Variants in HIP1R observed in about 807,000 individuals in gnomAD.
HIP1R encodes huntingtin-interacting protein 1-related protein.
A neutral mutation model predicts 144.2 loss-of-function variants in HIP1R; 135 were observed. The observed-to-expected ratio is 0.94, with a 90% confidence interval of 0.81 to 1.08. HIP1R has a LOEUF of 1.08. HIP1R is among the 50% of genes least tolerant of loss of function. The probability of loss-of-function intolerance (pLI) is 0.00; values close to 1 mark genes in which losing one functional copy is unlikely to be tolerated. For synonymous variants in HIP1R, 698 were observed against 612.8 expected (o/e 1.14, Z -2.05); for missense variants, 1,462 against 1,432.8 (o/e 1.02, Z -0.33).
Position 122,856,729 on chromosome 12 carries a change from G to A in HIP1R, c.1620+3G>A, listed in dbSNP as rs1205205669. 1.9e-6 allele frequency: 3 copies of A among 1,567,658 alleles called. No individual in the cohort carries two copies. The highest frequency in any genetic ancestry group is 4.7e-5 in the East Asian group (2 of 42,930). On this transcript the variant is annotated splice_donor_region_variant and intron_variant, in intron 17 of 31. Coordinates refer to ENST00000253083, the MANE Select transcript of HIP1R (RefSeq NM_003959.3). ...AGGCCCTGAGCCACACAGAGCAGGTGCATCTGGCTTTGATGACTGGAGGTG... is the reference window on the plus strand; with the variant it reads ...AGGCCCTGAGCCACACAGAGCAGGTACATCTGGCTTTGATGACTGGAGGTG...
Position 122,849,857 on chromosome 12 carries a change from C to T in HIP1R, c.358-18C>T, listed in dbSNP as rs747406090. 7 of 1,600,940 alleles carry T rather than the reference C, an allele frequency of 4.4e-6. No individual in the cohort carries two copies. Among genetic ancestry groups the T allele is most frequent in the Non-Finnish European group, 5.1e-6 (6 of 1,168,938 alleles). On this transcript the variant is annotated intron_variant, in intron 4 of 31. Transcript: ENST00000253083. ...TGTTCACGAGCCGTGGCCCCTCACCCTGTCTGTCTTCACACAGGGACATTT... is the reference window on the plus strand; with the variant it reads ...TGTTCACGAGCCGTGGCCCCTCACCTTGTCTGTCTTCACACAGGGACATTT...
At chr12:122,837,776 G>T (rs937978413) in intron 1 of HIP1R, among the ~76,000 whole-genome samples, 1 of 152,200 alleles carries the variant, frequency 6.6e-6, no homozygotes, top group African/African-American at 2.4e-5. Flanking sequence ...GGGTTTGCTC[G>T]TCTTCACAGT....
intron 1 of HIP1R, 28 bp downstream of exon 1, chr12:122,835,671 G>GGGCGGC: frequency 9.1e-7 from 1 of 1,101,280 alleles, no homozygotes. Context: ...GGCGGGCGGC[G>GGGCGGC]GGCGGCGGCG....
intron 22 of HIP1R, 23 bp downstream of exon 22, chr12:122,859,220 T>A (rs749706030): frequency 9.0e-5 from 141 of 1,558,368 alleles, no homozygotes; most frequent in Non-Finnish European, 1.2e-4. Context: ...TGAGTGTGGG[T>A]TTGGGAGGCT....
In HIP1R at chr12:122,858,887, G is replaced by T; in HGVS notation, c.2100G>T (p.Ala700=). The T allele has an allele frequency of 6.2e-7, 1 of 1,613,278 alleles. No homozygotes were observed. Among genetic ancestry groups the T allele is most frequent in the South Asian group, 1.1e-5 (1 of 91,084 alleles). Residue 700 remains alanine, a synonymous_variant, in exon 21 of 32, where the codon GCG becomes GCT. Coordinates refer to ENST00000253083, the MANE Select transcript of HIP1R (RefSeq NM_003959.3). The part of the protein sequence containing the change: ...AALTRFSHLA[A]DTIINGGATS... ...TGACCCGCTTCTCCCACCTGGCTGC[G>T]GATACCATCATCAATGGCGGTGCCA...
chr12:122,857,995 G>A, intron 18 of HIP1R, 107 bp from the exon 19 acceptor site: 1 of 963,056 alleles, frequency 1.0e-6, no homozygotes, highest in East Asian at 2.6e-5. Flanking sequence ...GACCAGTGAG[G>A]GTCTCAGCTG....
chr12:122,844,710 C>G (rs1028160246), intron 1 of HIP1R, among the ~76,000 whole-genome samples: 17 of 152,216 alleles, frequency 1.1e-4, no homozygotes, highest in Admixed American at 1.1e-3. Context: ...CACATGTGTC[C>G]TTATGATCTT....
At chr12:122,855,151 GAGGCCCTTTGAGGACCCCA>G (rs2033527461) in intron 10 of HIP1R, 23 bp downstream of exon 10, 2 of 1,610,160 alleles carry the variant, frequency 1.2e-6, no homozygotes, top group Non-Finnish European at 1.7e-6. Context: ...AGAGGGCCCC[GAGGCCCTTTGAGGACCCCA>G]GGCACCTGGC....
rs569072498 is a variant in HIP1R at position 122,860,929 on chromosome 12, A to T, written c.2780A>T (p.Lys927Met). ...LVAASKVKAN[K>M]HSPHLSRLQE... ...CTCGCCCCTCAGGTGAAGGCCAACA[A>T]GCACAGCCCCCACCTGAGCCGCCTG... The change falls in exon 29 of 32, where the codon AAG becomes ATG. Residue 927 changes from lysine to methionine, a missense_variant. Coordinates refer to ENST00000253083, the MANE Select transcript of HIP1R (RefSeq NM_003959.3). 8 of 1,611,858 alleles carry T rather than the reference A, an allele frequency of 5.0e-6. No individual in the cohort carries two copies. The South Asian group carries it at 8.8e-5, about 18-fold the overall frequency.
In HIP1R at chr12:122,859,458, G is replaced by A; in HGVS notation, c.2328G>A (p.Gln776=). ...AACCCAAGAGCCTAGATGTGCGGCA[G>A]GAGGAGCTGGGGGCCGTGGTCGACA... The part of the protein sequence containing the change: ...ELKPKSLDVR[Q]EELGAVVDKE... The change falls in exon 23 of 32, where the codon CAG becomes CAA. Residue 776 remains glutamine (Q), a synonymous_variant. Transcript: ENST00000253083. 1 of 1,613,534 alleles carries A rather than the reference G, an allele frequency of 6.2e-7. No individual in the cohort carries two copies. The highest frequency in any genetic ancestry group is 8.5e-7 in the Non-Finnish European group (1 of 1,179,972).
At chr12:122,858,307 AGCAGCGGGTG>A in intron 19 of HIP1R, 32 bp from the exon 20 acceptor site, 1 of 1,590,756 alleles carries the variant, frequency 6.3e-7, no homozygotes, top group Non-Finnish European at 8.6e-7. Context: ...CCCAGCCCTG[AGCAGCGGGTG>A]GCAGGGGCCT....
rs369267872 is a variant in HIP1R, at chr12:122,860,371, C to T, written c.2560-52C>T. The T allele has an allele frequency of 2.6e-5, 42 of 1,599,084 alleles. No individual in the cohort carries two copies. The African/African-American group carries it at 3.3e-4, about 13-fold the overall frequency. ...GAGGGCCCTTGAGGGCCACTTTCCA[C>T]CTTTGGTGTCCTTGACTGGCATGTC... On this transcript the variant is annotated intron_variant, in intron 26 of 31. Transcript: ENST00000253083.
intron 2 of HIP1R, 135 bp downstream of exon 2, chr12:122,848,229 G>A: frequency 9.9e-7 from 1 of 1,009,026 alleles, no homozygotes; most frequent in Non-Finnish European, 1.5e-6. Flanking sequence ...GTCCTGTGCA[G>A]CTTGGCTCCT....
chr12:122,847,672 G>C (rs531849289), intron 1 of HIP1R, among the ~76,000 whole-genome samples: 54 of 152,352 alleles, frequency 3.5e-4, no homozygotes, highest in African/African-American at 1.3e-3. Flanking sequence ...TCCCCAAGGG[G>C]AGATGGGGCC....
chr12:122,860,640 G>A, intron 27 of HIP1R, 39 bp from the exon 28 acceptor site: 2 of 1,587,992 alleles, frequency 1.3e-6, no homozygotes. Context: ...CCGTCCGTGG[G>A]GTCAGAGACC....
chr12:122,842,582 T>C (rs554068672), intron 1 of HIP1R, among the ~76,000 whole-genome samples: 1 of 152,266 alleles, frequency 6.6e-6, no homozygotes, highest in East Asian at 1.9e-4. Flanking sequence ...GTATGATCGG[T>C]GGACAGACAA....
At position 122,836,138 on chromosome 12, in the gene HIP1R, C is replaced by T. The variant is rs1025665834; in HGVS notation, c.93+495C>T. Reference sequence around the variant, plus strand: ...GCCCCCGTCTCCTACCCCCTGAAACCGATGCCCCCACGGGCAATTTCCTTA... The same window carrying T: ...GCCCCCGTCTCCTACCCCCTGAAACTGATGCCCCCACGGGCAATTTCCTTA... On this transcript the variant is annotated intron_variant, in intron 1 of 31. Transcript: ENST00000253083. This position sits in a 1 kb window ranked among gnomAD's most constrained non-coding sequence, Gnocchi z 4.1. Among the ~76,000 whole-genome samples the T allele has an allele frequency of 6.6e-6, 1 of 152,092 alleles. No homozygotes were observed. The highest frequency in any genetic ancestry group is 2.1e-4 in the South Asian group (1 of 4,830).
chr12:122,851,402 T>TC, intron 7 of HIP1R, 105 bp downstream of exon 7: 7 of 953,820 alleles, frequency 7.3e-6, no homozygotes, highest in Non-Finnish European at 8.9e-6. Context: ...AACTGATCAC[T>TC]ATGAAATGAC....
intron 8 of HIP1R, 92 bp from the exon 9 acceptor site, chr12:122,854,813 G>A: frequency 1.5e-6 from 2 of 1,359,394 alleles, no homozygotes; most frequent in Non-Finnish European, 2.1e-6. Context: ...TCTCTGATCT[G>A]TGAGTTTGTA....
Sources: gnomAD v4.1 joint callset for allele counts (sites outside exome capture counted in the v4.1 genomes callset) on GRCh38, gnomAD v4.1.1 for gene constraint, Gnocchi (gnomAD v3.1) non-coding constraint, MANE v1.5 for transcripts, NCBI Gene and HGNC (gene_info 2026-07-23, HGNC 2026-07-21) for gene names.